PIK3CB: variants seen among roughly 807,000 people sequenced by gnomAD.
PIK3CB encodes phosphatidylinositol-4,5-bisphosphate 3-kinase catalytic subunit beta, also known as phosphatidylinositol 4,5-bisphosphate 3-kinase catalytic subunit beta isoform.
In PIK3CB, 39 loss-of-function variants were observed where a neutral mutation model predicts 136.8. The ratio of observed to expected loss-of-function variants is 0.29; its 90% confidence interval spans 0.22 to 0.37. The LOEUF is 0.37. Among genes scored for constraint, PIK3CB ranks in the 10% least tolerant of loss-of-function variants. The pLI, the probability that PIK3CB is intolerant of heterozygous loss-of-function variation, is 1.00. For missense variants in PIK3CB, 868 were observed against 1,275.4 expected (o/e 0.68, Z 4.87); for synonymous variants, 428 against 436.6 (o/e 0.98, Z 0.25).
chr3:138,720,968 T>G (rs771365925), intron 8 of PIK3CB, among the ~76,000 whole-genome samples: 1 of 152,170 alleles, frequency 6.6e-6, no homozygotes, highest in Admixed American at 6.5e-5. Flanking sequence ...AAATTTCTAT[T>G]ACCATTTACT....
At chr3:138,709,581 G>T (rs1318050439) in intron 10 of PIK3CB, among the ~76,000 whole-genome samples, 1 of 152,134 alleles carries the variant, frequency 6.6e-6, no homozygotes, top group Non-Finnish European at 1.5e-5. Flanking sequence ...TAGATTATTT[G>T]TAGTTTCTTT....
chr3:138,833,848 G>C (rs1576440991), intron 1 of PIK3CB, among the ~76,000 whole-genome samples: 1 of 152,138 alleles, frequency 6.6e-6, no homozygotes, highest in African/African-American at 2.4e-5. Context: ...GAATTTGCTC[G>C]GTTTCATTTC....
intron 13 of PIK3CB, among the ~76,000 whole-genome samples, chr3:138,696,636 T>C (rs1215128038): frequency 6.6e-6 from 1 of 152,168 alleles, no homozygotes; most frequent in Non-Finnish European, 1.5e-5. Flanking sequence ...TCATGGGTTA[T>C]TGGGGGGAAA....
chr3:138,764,843 C>G (rs960951343), intron 2 of PIK3CB, among the ~76,000 whole-genome samples: 3 of 152,182 alleles, frequency 2.0e-5, no homozygotes, highest in African/African-American at 7.2e-5. Context: ...CCTGATACTC[C>G]TCGGTGTGTC....
chr3:138,792,619 G>GCTT (rs1202255591), intron 2 of PIK3CB, among the ~76,000 whole-genome samples: 1 of 152,148 alleles, frequency 6.6e-6, no homozygotes, highest in Non-Finnish European at 1.5e-5. Flanking sequence ...ACTCAGAAGA[G>GCTT]GTAAGAAGTT....
intron 1 of PIK3CB, among the ~76,000 whole-genome samples, chr3:138,826,487 T>C (rs1165854877): frequency 6.8e-6 from 1 of 147,858 alleles, no homozygotes; most frequent in Non-Finnish European, 1.5e-5. Context: ...GAATGTGTTA[T>C]GGACCATTTG....
chr3:138,786,207 A>G (rs2045980675), intron 2 of PIK3CB, among the ~76,000 whole-genome samples: 3 of 152,208 alleles, frequency 2.0e-5, no homozygotes, highest in Non-Finnish European at 4.4e-5. Context: ...AGCAGCAGAA[A>G]GAGAGCTCCA....
At chr3:138,754,554 A>G (rs1175761234) in intron 4 of PIK3CB, among the ~76,000 whole-genome samples, 1 of 152,246 alleles carries the variant, frequency 6.6e-6, no homozygotes, top group Non-Finnish European at 1.5e-5. Context: ...TGTCACTAAT[A>G]TATAAGAAAA....
chr3:138,685,420 A>AAAAAAAAGAAAG (rs2043866681), intron 16 of PIK3CB, among the ~76,000 whole-genome samples: 2 of 86,950 alleles, frequency 2.3e-5, no homozygotes, highest in Non-Finnish European at 4.6e-5. Context: ...AAAAAAAAAA[A>AAAAAAAAGAAAG]AAAGAAAGAA....
intron 1 of PIK3CB, 71 bp downstream of exon 1, chr3:138,834,624 C>A (rs1325675296): frequency 6.5e-6 from 1 of 153,120 alleles, no homozygotes; most frequent in African/African-American, 2.4e-5. Flanking sequence ...CGCCCGGGGG[C>A]ACCGCAGCCG....
intron 2 of PIK3CB, chr3:138,769,964 G>A (rs2045780359): frequency 6.6e-6 from 1 of 152,208 alleles, no homozygotes; most frequent in Non-Finnish European, 1.5e-5. Context: ...CCAAAAGTCA[G>A]ATTTTTTCCC....
At chr3:138,783,383 A>G (rs2045942109) in intron 2 of PIK3CB, among the ~76,000 whole-genome samples, 1 of 151,930 alleles carries the variant, frequency 6.6e-6, no homozygotes, top group Admixed American at 6.6e-5. Context: ...TGGAGCTCAA[A>G]TGATCCTCCT....
intron 10 of PIK3CB, among the ~76,000 whole-genome samples, chr3:138,707,854 T>C (rs2044410357): frequency 6.6e-6 from 1 of 152,198 alleles, no homozygotes; most frequent in Admixed American, 6.5e-5. Flanking sequence ...TTCAAGGTAC[T>C]CCTTCCTTTT....
chr3:138,829,602 G>C (rs558732488), intron 1 of PIK3CB, among the ~76,000 whole-genome samples: 3 of 152,194 alleles, frequency 2.0e-5, no homozygotes, highest in African/African-American at 7.2e-5. Context: ...ATGGTGAGTG[G>C]GGCAGCGGGG....
chr3:138,805,133 G>A (rs977089323), intron 1 of PIK3CB, among the ~76,000 whole-genome samples: 1 of 151,810 alleles, frequency 6.6e-6, no homozygotes, highest in African/African-American at 2.4e-5. Flanking sequence ...TCAGGAGTTC[G>A]AGACCAGCCT....
rs369972916 is a variant in PIK3CB at position 138,788,791 on chromosome 3, C to T, written c.-17+7672G>A. Among the ~76,000 whole-genome samples the T allele has an allele frequency of 4.1e-3, 624 of 151,232 alleles. 9 individuals are homozygous for T. Among genetic ancestry groups the T allele is most frequent in the African/African-American group, 0.014 (584 of 41,240 alleles). On this transcript the variant is annotated intron_variant, in intron 2 of 23. Coordinates refer to ENST00000674063, the MANE Select transcript of PIK3CB (RefSeq NM_006219.3). The stretch of plus-strand genomic sequence containing the variant: ...CAGCCTGGCCAACATGGTGAAACCC[C>T]GTATCTACTTAAAATACAAAAAATT...
chr3:138,662,932 G>A lies in PIK3CB; in HGVS notation c.2796+974C>T, dbSNP rs138192064. Among the ~76,000 whole-genome samples the A allele has an allele frequency of 8.0e-3, 1,218 of 152,214 alleles. 18 individuals carry two copies. Among genetic ancestry groups the A allele is most frequent in the African/African-American group, 0.027 (1,128 of 41,516 alleles). On this transcript the variant is annotated intron_variant, in intron 21 of 23. Coordinates refer to ENST00000674063, the MANE Select transcript of PIK3CB (RefSeq NM_006219.3). ...CTTCTTTTGGATTAAAGACTTAAACGTTAGACCTAAAACCATAAAAACCCT... is the reference window on the plus strand; with the variant it reads ...CTTCTTTTGGATTAAAGACTTAAACATTAGACCTAAAACCATAAAAACCCT...
chr3:138,718,271 A>G lies in PIK3CB; in HGVS notation c.1051-3552T>C, dbSNP rs1330085722. On this transcript the variant is annotated intron_variant, in intron 8 of 23. Coordinates refer to ENST00000674063, the MANE Select transcript of PIK3CB (RefSeq NM_006219.3). ...TTGTGGTTTTGATTTGCATTTCTCT[A>G]ATGATCAGTGACATTAAGCTTTTTT... is the stretch of plus-strand genomic sequence containing the variant. Among the ~76,000 whole-genome samples the G allele has an allele frequency of 2.0e-5, 3 of 152,084 alleles. No homozygotes were observed. The East Asian group carries it at 5.8e-4, about 29-fold the overall frequency.
chr3:138,712,636 G>A (rs1559834432), intron 9 of PIK3CB, among the ~76,000 whole-genome samples: 2 of 147,504 alleles, frequency 1.4e-5, no homozygotes, highest in Non-Finnish European at 3.0e-5. Context: ...GTGTGATCTC[G>A]GCTCACTGCA....
Sources: allele counts gnomAD v4.1 joint callset (sites outside exome capture counted in the v4.1 genomes callset), GRCh38; gene constraint gnomAD v4.1.1; transcripts MANE v1.5; gene names NCBI Gene and HGNC (gene_info 2026-07-23, HGNC 2026-07-21).